The following SDK1 variants were observed in gnomAD, a reference collection of about 807,000 sequenced individuals.
SDK1 encodes sidekick cell adhesion molecule 1.
Under a neutral mutation model 245.5 loss-of-function variants are expected in SDK1, and 157 were observed. The ratio of observed to expected loss-of-function variants is 0.64; its 90% CI spans 0.56 to 0.73. The LOEUF is 0.73. Ranked by LOEUF, SDK1 falls within the 30% of genes least tolerant of loss-of-function variation. The pLI is 0.00. For synonymous variants in SDK1, 1,647 were observed against 1,278.5 expected (o/e 1.29, Z -6.15); for missense variants, 3,583 against 3,002.3 (o/e 1.19, Z -4.52).
intron 13 of SDK1, among the ~76,000 whole-genome samples, chr7:3,977,522 G>T (rs1230299416): frequency 1.3e-5 from 2 of 152,242 alleles, no homozygotes; most frequent in African/African-American, 4.8e-5. Flanking sequence ...GGTTCTTTCT[G>T]CCCTTCATGA....
intron 44 of SDK1, among the ~76,000 whole-genome samples, chr7:4,252,821 G>A (rs554684466): frequency 1.0e-4 from 11 of 109,852 alleles, no homozygotes; most frequent in African/African-American, 5.0e-4. Context: ...GATTTATTCC[G>A]TTTCCCCCCC....
chr7:4,234,577 G>C (rs767197275), intron 41 of SDK1, among the ~76,000 whole-genome samples: 1 of 152,140 alleles, frequency 6.6e-6, no homozygotes, highest in Non-Finnish European at 1.5e-5. Context: ...GCTGGAGAGG[G>C]AGGGCCGGCA....
At chr7:3,967,243 G>A (rs1583663932) in intron 9 of SDK1, 75 bp from the exon 10 acceptor site, 5 of 1,145,916 alleles carry the variant, frequency 4.4e-6, no homozygotes, top group Non-Finnish European at 6.6e-6. Flanking sequence ...TAAAGCCCGT[G>A]CAGGATACTC....
intron 5 of SDK1, among the ~76,000 whole-genome samples, chr7:3,872,772 T>C (rs1187851646): frequency 1.3e-5 from 2 of 152,088 alleles, no homozygotes; most frequent in Non-Finnish European, 2.9e-5. Flanking sequence ...ATGGATGCTA[T>C]AGAGTTCACA....
intron 5 of SDK1, among the ~76,000 whole-genome samples, chr7:3,882,720 G>A (rs984381991): frequency 6.6e-6 from 1 of 151,990 alleles, no homozygotes; most frequent in Non-Finnish European, 1.5e-5. Flanking sequence ...ATTTACAAAT[G>A]AGCCTTCTTT....
chr7:3,892,676 A>G (rs1294444175), intron 5 of SDK1, among the ~76,000 whole-genome samples: 4 of 152,236 alleles, frequency 2.6e-5, no homozygotes, highest in East Asian at 1.9e-4. Flanking sequence ...TTGCATTTCT[A>G]TCAAGGCAGA....
chr7:3,836,522 T>C (rs1282079727), intron 5 of SDK1, among the ~76,000 whole-genome samples: 2 of 152,138 alleles, frequency 1.3e-5, no homozygotes, highest in Admixed American at 6.5e-5. Flanking sequence ...AGAGCTTTGG[T>C]TGGTGGAAAC....
At chr7:3,650,923 G>T (rs1327357865) in intron 4 of SDK1, among the ~76,000 whole-genome samples, 1 of 150,980 alleles carries the variant, frequency 6.6e-6, no homozygotes. Context: ...AGTGTTTCTT[G>T]GTGTGGCCAT....
intron 4 of SDK1, among the ~76,000 whole-genome samples, chr7:3,793,211 CA>C (rs1778862167): frequency 6.6e-6 from 1 of 152,104 alleles, no homozygotes; most frequent in African/African-American, 2.4e-5. Flanking sequence ...CCGTAAAAGA[CA>C]TTACATTTCT....
intron 4 of SDK1, among the ~76,000 whole-genome samples, chr7:3,742,155 A>G (rs1164390980): frequency 1.3e-5 from 2 of 148,982 alleles, no homozygotes; most frequent in East Asian, 3.9e-4. Context: ...TTTTACCCCC[A>G]TTTCTTTGCC....
intron 4 of SDK1, among the ~76,000 whole-genome samples, chr7:3,730,319 G>A (rs181632590): frequency 7.2e-5 from 11 of 152,312 alleles, no homozygotes; most frequent in Admixed American, 5.2e-4. Context: ...AAAGGAATCT[G>A]ACAGCCGAGG....
intron 1 of SDK1, among the ~76,000 whole-genome samples, chr7:3,399,668 T>C (rs111228952): frequency 0.014 from 2,185 of 152,314 alleles, 38 homozygotes; most frequent in Non-Finnish European, 0.023. Flanking sequence ...GTGGGGACAC[T>C]GAAATCTCTG....
In SDK1 at chr7:4,063,853, G is replaced by A. The variant is rs59623087; in HGVS notation, c.2912-3985G>A. Among the ~76,000 whole-genome samples the A allele has an allele frequency of 7.7e-3, 1,164 of 152,058 alleles. 12 individuals carry two copies. Among genetic ancestry groups the A allele is most frequent in the African/African-American group, 0.027 (1,117 of 41,534 alleles). On this transcript the variant is annotated intron_variant, in intron 19 of 44. Transcript: ENST00000404826. ...AACCAACTGATTTTCGATAAAGGTGGCAGGATACCTTCAATAATTTTGGTG... is the reference window on the plus strand; with the variant it reads ...AACCAACTGATTTTCGATAAAGGTGACAGGATACCTTCAATAATTTTGGTG...
chr7:4,221,106 C>T (rs886550346), intron 39 of SDK1, 133 bp from the exon 40 acceptor site: 23 of 1,052,238 alleles, frequency 2.2e-5, no homozygotes, highest in South Asian at 1.2e-4. Flanking sequence ...ACCCTGGGTG[C>T]GTGAGGTTAA....
At chr7:3,955,392 G>A (rs1781178404) in intron 7 of SDK1, among the ~76,000 whole-genome samples, 1 of 152,164 alleles carries the variant, frequency 6.6e-6, no homozygotes, top group African/African-American at 2.4e-5. Context: ...TCCTTTTAGG[G>A]GCTCACATGA....
At chr7:3,581,062 A>G (rs1162977683) in intron 1 of SDK1, among the ~76,000 whole-genome samples, 3 of 150,380 alleles carry the variant, frequency 2.0e-5, no homozygotes, top group Non-Finnish European at 4.4e-5. Context: ...CGTTAATTGT[A>G]TGATGAAGAT....
intron 1 of SDK1, among the ~76,000 whole-genome samples, chr7:3,498,672 C>T (rs1032079074): frequency 6.6e-6 from 1 of 151,688 alleles, no homozygotes; most frequent in Non-Finnish European, 1.5e-5. Context: ...GTATGTGTTT[C>T]TTCAGCTCTC....
chr7:3,482,917 T>TCAAATTTTTTCATTGTTCTTTTTAGA (rs1781562143), intron 1 of SDK1, among the ~76,000 whole-genome samples: 1 of 152,216 alleles, frequency 6.6e-6, no homozygotes, highest in African/African-American at 2.4e-5. Flanking sequence ...AAGTAAACGT[T>TCAAATTTTTTCATTGTTCTTTTTAGA]AGCTATGATG....
At chr7:4,083,837 C>T (rs1781257279) in intron 22 of SDK1, among the ~76,000 whole-genome samples, 1 of 136,132 alleles carries the variant, frequency 7.3e-6, no homozygotes, top group Admixed American at 7.6e-5. Context: ...CTTCCTCTCT[C>T]TCTCTGTCTG....
Sources: allele counts gnomAD v4.1 joint callset (sites outside exome capture counted in the v4.1 genomes callset), GRCh38; gene constraint gnomAD v4.1.1; transcripts MANE v1.5; gene names NCBI Gene and HGNC (gene_info 2026-07-23, HGNC 2026-07-21).